The following TRRAP variants were observed in gnomAD, a reference collection of about 807,000 sequenced individuals.
TRRAP encodes the protein transformation/transcription domain associated protein.
TRRAP carries 41 observed loss-of-function variants against 438.8 expected under a neutral mutation model. The observed-to-expected ratio is 0.09, with a 90% CI of 0.07 to 0.12. The LOEUF (loss-of-function observed/expected upper bound fraction) is 0.12, where lower values mean the gene tolerates loss of function less well. TRRAP is among the 10% of genes least tolerant of loss of function. TRRAP has a pLI of 1.00. For missense variants in TRRAP, 3,122 were observed against 5,055.1 expected, an observed-to-expected ratio of 0.62 and a Z score of 11.60; for synonymous variants, 1,994 against 1,962.9, an observed-to-expected ratio of 1.02 and a Z score of -0.42.
chr7:98,889,956 TCTAA>T (rs1462070725), intron 3 of TRRAP, among the ~76,000 whole-genome samples: 1 of 152,148 alleles, frequency 6.6e-6, no homozygotes, highest in Non-Finnish European at 1.5e-5. Flanking sequence ...TGAATATACA[TCTAA>T]CTAATACATT....
intron 69 of TRRAP, 89 bp from the exon 70 acceptor site, chr7:99,008,288 C>T: frequency 1.4e-6 from 2 of 1,403,248 alleles, no homozygotes; most frequent in South Asian, 2.6e-5. Context: ...GCCGGGTCAG[C>T]TCTGCTCCCA....
chr7:98,980,458 G>A (rs867403520), intron 58 of TRRAP, among the ~76,000 whole-genome samples: 5 of 151,356 alleles, frequency 3.3e-5, no homozygotes, highest in African/African-American at 1.2e-4. Flanking sequence ...AAAATGTGAG[G>A]CGTTCCAGTG....
In TRRAP at chr7:98,881,243, G is replaced by A; in HGVS notation, c.93G>A (p.Val31=). The change falls in exon 2 of 73, where the codon GTG becomes GTA. Residue 31 remains valine (V), a synonymous_variant. Transcript: ENST00000456197. ...AGTTTGTGGCAGCTCTCACAGATGTGAATACACGTGAGTTGATCCTTTTTA... is the reference window on the plus strand; with the variant it reads ...AGTTTGTGGCAGCTCTCACAGATGTAAATACACGTGAGTTGATCCTTTTTA... ...YLQFVAALTD[V]NTPDETKLKM... 6.2e-7 allele frequency: 1 copy of A among 1,606,460 alleles called. No individual in the cohort carries two copies. The highest frequency in any genetic ancestry group is 8.5e-7 in the Non-Finnish European group (1 of 1,175,994).
intron 30 of TRRAP, among the ~76,000 whole-genome samples, chr7:98,942,613 C>G (rs1296922605): frequency 6.6e-6 from 1 of 152,226 alleles, no homozygotes; most frequent in African/African-American, 2.4e-5. Context: ...CCGTTCATGT[C>G]TCTACTGTGA....
chr7:98,887,311 G>C (rs1795757169), intron 3 of TRRAP, among the ~76,000 whole-genome samples: 1 of 152,168 alleles, frequency 6.6e-6, no homozygotes, highest in South Asian at 2.1e-4. Flanking sequence ...TTGACTTCTT[G>C]ATAACCTGGC....
rs534128961 is a variant in TRRAP, at chr7:98,991,783, ATTTG to A, written c.9757-346_9757-343del. Among the ~76,000 whole-genome samples, 159 of 152,220 alleles carry A rather than the reference ATTTG, an allele frequency of 1.0e-3. 1 individual carries two copies. Among genetic ancestry groups the A allele is most frequent in the African/African-American group, 3.6e-3 (151 of 41,544 alleles). On this transcript the variant is annotated intron_variant, in intron 64 of 72. Coordinates refer to ENST00000456197, the MANE Select transcript of TRRAP (RefSeq NM_001375524.1). Reference sequence around the variant, plus strand: ...AATTGTGCCTGACAGATTAGCTGGTATTTGTTTGTTTTTTTATTTGCTTCAGTGA... The same window carrying A: ...AATTGTGCCTGACAGATTAGCTGGTATTTGTTTTTTTATTTGCTTCAGTGA...
At chr7:98,949,355 T>C (rs1474749566) in intron 35 of TRRAP, 62 bp from the exon 36 acceptor site, 2 of 1,424,224 alleles carry the variant, frequency 1.4e-6, no homozygotes, top group South Asian at 3.6e-5. Context: ...AACATTCATA[T>C]CCTCTAACTT....
At chr7:98,966,140 A>G (rs917055550) in intron 49 of TRRAP, among the ~76,000 whole-genome samples, 4 of 152,170 alleles carry the variant, frequency 2.6e-5, no homozygotes, top group African/African-American at 7.2e-5. Context: ...CCCCGTCTCT[A>G]CTAAAAATAC....
At position 98,908,686 on chromosome 7, in the gene TRRAP, G is replaced by A; in HGVS notation, c.1116-42G>A. On this transcript the variant is annotated intron_variant, in intron 13 of 72. Coordinates refer to ENST00000456197, the MANE Select transcript of TRRAP (RefSeq NM_001375524.1). This position sits in a 1 kb window ranked among gnomAD's most constrained non-coding sequence, Gnocchi z 4.1. ...CTTGGTGGCCTGCTGCAGCAGGCATGGCCACGTGGGAATGAGCACTAGTCG... is the reference window on the plus strand; with the variant it reads ...CTTGGTGGCCTGCTGCAGCAGGCATAGCCACGTGGGAATGAGCACTAGTCG... The A allele has an allele frequency of 6.6e-7, 1 of 1,523,218 alleles. No homozygotes were observed. The highest frequency in any genetic ancestry group is 8.8e-7 in the Non-Finnish European group (1 of 1,133,294). The allele number at this position is 1,523,218 out of a possible 1,614,324, so 94.4% of individuals were successfully genotyped here.
chr7:98,946,429 GCA>G (rs1408326085), intron 33 of TRRAP, among the ~76,000 whole-genome samples: 1 of 151,240 alleles, frequency 6.6e-6, no homozygotes, highest in Non-Finnish European at 1.5e-5. Context: ...CACCACACAT[GCA>G]CACACACCGA....
At chr7:98,988,615 G>T in intron 62 of TRRAP, 150 bp from the exon 63 acceptor site, 2 of 856,020 alleles carry the variant, frequency 2.3e-6, no homozygotes, top group Non-Finnish European at 1.8e-6. Context: ...GGTGGGAGGG[G>T]TTCAGAGCGA....
rs535838324 is a variant in TRRAP at position 98,897,878 on chromosome 7, G to A, written c.633+12G>A. The A allele has an allele frequency of 1.9e-5, 30 of 1,613,614 alleles. No homozygotes were observed. The Admixed American group carries it at 2.0e-4, about 11-fold the overall frequency. ...GTGAGACTCGAACAGTAAGTGTTTC[G>A]CTGAGTTATTTCTACCCGTGGCTCC... On this transcript the variant is annotated intron_variant, in intron 8 of 72. Coordinates refer to ENST00000456197, the MANE Select transcript of TRRAP (RefSeq NM_001375524.1).
chr7:99,002,717 T>C (rs1268315125), intron 67 of TRRAP, among the ~76,000 whole-genome samples: 1 of 151,506 alleles, frequency 6.6e-6, no homozygotes, highest in East Asian at 1.9e-4. Flanking sequence ...ACCAGACAAG[T>C]GCTATGAAAA....
intron 63 of TRRAP, among the ~76,000 whole-genome samples, chr7:98,989,556 A>G (rs974798288): frequency 6.6e-6 from 1 of 152,170 alleles, no homozygotes. Flanking sequence ...TCCCTTTCCT[A>G]TTTTGTCCAT....
At chr7:98,910,457 T>C (rs782276037) in intron 15 of TRRAP, 38 bp downstream of exon 15, 1 of 1,612,996 alleles carries the variant, frequency 6.2e-7, no homozygotes, top group Non-Finnish European at 8.5e-7. Context: ...AAACAATAGT[T>C]TTCATAAAGT....
chr7:98,890,096 C>G (rs1293417121), intron 3 of TRRAP, among the ~76,000 whole-genome samples: 3 of 152,106 alleles, frequency 2.0e-5, no homozygotes, highest in Non-Finnish European at 4.4e-5. Context: ...TTCAGCATTT[C>G]CCAAAGGATT....
At chr7:98,984,391 G>A (rs772486447) in intron 61 of TRRAP, 33 bp downstream of exon 61, 7 of 1,500,736 alleles carry the variant, frequency 4.7e-6, no homozygotes, top group Non-Finnish European at 5.3e-6. Flanking sequence ...ATGAGGCCAG[G>A]TGGAGATTGA....
rs1441189403 is a variant in TRRAP at position 98,908,441 on chromosome 7, G to A, written c.1116-287G>A. On this transcript the variant is annotated intron_variant, in intron 13 of 72. Coordinates refer to ENST00000456197, the MANE Select transcript of TRRAP (RefSeq NM_001375524.1). The surrounding 1 kb of genome is among the most constrained non-coding windows in gnomAD (Gnocchi z 4.1). ...AACCCATTCAGTGCATGATCAAGCT[G>A]GTAATATTCCTCCTTGGCTTAGCTG... 6.6e-6 allele frequency among the ~76,000 whole-genome samples: 1 copy of A among 152,184 alleles called. No homozygotes were observed. The highest frequency in any genetic ancestry group is 2.4e-5 in the African/African-American group (1 of 41,450).
chr7:98,987,794 G>A (rs1471258025), intron 62 of TRRAP, among the ~76,000 whole-genome samples: 1 of 152,218 alleles, frequency 6.6e-6, no homozygotes, highest in Admixed American at 6.5e-5. Context: ...CCTTGAGTAT[G>A]ATGTTAGCTG....
Sources: gnomAD v4.1 joint callset for allele counts (sites outside exome capture counted in the v4.1 genomes callset) on GRCh38, gnomAD v4.1.1 for gene constraint, Gnocchi (gnomAD v3.1) non-coding constraint, MANE v1.5 for transcripts, NCBI Gene and HGNC (gene_info 2026-07-23, HGNC 2026-07-21) for gene names.